Variants in KIF5B observed in about 807,000 individuals in gnomAD.
The protein encoded by KIF5B is kinesin-1 heavy chain.
In KIF5B, 49 loss-of-function variants were observed where a neutral mutation model predicts 132.8. The ratio of observed to expected loss-of-function variants is 0.37; its 90% CI spans 0.29 to 0.47. The LOEUF (loss-of-function observed/expected upper bound fraction) is 0.47, where lower values mean the gene tolerates loss of function less well. Ranked by LOEUF, KIF5B falls within the 20% of genes least tolerant of loss-of-function variation. The pLI, the probability that KIF5B is intolerant of heterozygous loss-of-function variation, is 1.00. For missense variants in KIF5B, 780 were observed against 1,144.0 expected (o/e 0.68, Z 4.59); for synonymous variants, 355 against 369.4 (o/e 0.96, Z 0.45).
chr10:32,043,041 G>A (rs899954200), intron 2 of KIF5B, among the ~76,000 whole-genome samples: 12 of 152,110 alleles, frequency 7.9e-5, no homozygotes, highest in African/African-American at 2.9e-4. Context: ...AGGCTGGAGT[G>A]CAGTGGCGCA....
At chr10:32,053,436 A>AC (rs1280844152) in intron 1 of KIF5B, among the ~76,000 whole-genome samples, 4 of 151,886 alleles carry the variant, frequency 2.6e-5, no homozygotes, top group Non-Finnish European at 5.9e-5. Context: ...AAAAAAAAAA[A>AC]AAACCAGGCC....
chr10:32,022,913 C>G lies in KIF5B; in HGVS notation c.1849G>C (p.Glu617Gln), dbSNP rs2132587723. ...TTTTCTTCCATTTTTTTGTTGCTCTCAGTTTGTGTGCTTTCTAACTGCTTG... is the reference window on the plus strand; with the variant it reads ...TTTTCTTCCATTTTTTTGTTGCTCTGAGTTTGTGTGCTTTCTAACTGCTTG... Reference protein sequence around the residue: ...RCKQLESTQTESNKKMEENEK... With the variant: ...RCKQLESTQTQSNKKMEENEK... Residue 617 changes from glutamate (E) to glutamine (Q), a missense_variant, in exon 16 of 26, where the codon GAG becomes CAG. This residue lies in a region of KIF5B where 471 missense variants were observed against 569.9 expected (regional missense o/e 0.83). Coordinates refer to ENST00000302418, the MANE Select transcript of KIF5B (RefSeq NM_004521.3). 5 of 1,613,402 alleles carry G rather than the reference C, an allele frequency of 3.1e-6. No individual in the cohort carries two copies. The highest frequency in any genetic ancestry group is 4.2e-6 in the Non-Finnish European group (5 of 1,179,564).
chr10:32,029,649 A>G (rs1841376979), intron 14 of KIF5B, among the ~76,000 whole-genome samples: 1 of 152,234 alleles, frequency 6.6e-6, no homozygotes, highest in East Asian at 1.9e-4. Context: ...AACACTGTCT[A>G]AGCATATAAA....
chr10:32,030,923 A>G, intron 14 of KIF5B, 150 bp downstream of exon 14: 1 of 621,764 alleles, frequency 1.6e-6, no homozygotes, highest in Non-Finnish European at 2.8e-6. Flanking sequence ...AAGGCTTCAT[A>G]TACAGAAAGA....
At chr10:32,034,999 A>G (rs563978628) in intron 10 of KIF5B, among the ~76,000 whole-genome samples, 161 bp from the exon 11 acceptor site, 3 of 152,200 alleles carry the variant, frequency 2.0e-5, no homozygotes, top group East Asian at 3.9e-4. Flanking sequence ...TTACAACTCA[A>G]CTAAATTTGA....
At position 32,028,536 on chromosome 10, in the gene KIF5B, T is replaced by G. The variant is rs1476500847; in HGVS notation, c.1617A>C (p.Lys539Asn). Residue 539 changes from lysine to asparagine, a missense_variant, in exon 15 of 26, where the codon AAA (lysine) becomes AAC (asparagine). By Grantham distance (94) the Lys-to-Asn change is moderately conservative. Around this residue, in one of 9 missense-constraint regions of KIF5B, gnomAD observed 471 missense variants for 569.9 expected, o/e 0.83. Transcript: ENST00000302418. ...TCTGGTGGTTGGTCATTTCCTTAAG[T>G]TTCTGAAGCTCAGCATCTATACTCG... is the stretch of plus-strand genomic sequence containing the variant. ...TLASIDAELQKLKEMTNHQKK... is the reference protein window; with the variant it reads ...TLASIDAELQNLKEMTNHQKK... 1.9e-6 allele frequency: 3 copies of G among 1,613,910 alleles called. No homozygotes were observed. The highest frequency in any genetic ancestry group is 2.5e-6 in the Non-Finnish European group (3 of 1,179,928).
intron 20 of KIF5B, 84 bp from the exon 21 acceptor site, chr10:32,018,646 G>A: frequency 3.0e-6 from 3 of 1,002,266 alleles, no homozygotes; most frequent in Non-Finnish European, 4.5e-6. Flanking sequence ...AATATTTTGT[G>A]TCTGAAAGGA....
chr10:32,031,251 T>C lies in KIF5B; in HGVS notation c.1403A>G (p.Asp468Gly), dbSNP rs1162378120. The change falls in exon 14 of 26, where the codon GAC becomes GGC. Residue 468 changes from aspartate (D) to glycine (G), a missense_variant. By Grantham distance (94) the Asp-to-Gly change is moderately conservative. Around this residue, in one of 9 missense-constraint regions of KIF5B, gnomAD observed 471 missense variants for 569.9 expected, o/e 0.83. Transcript: ENST00000302418. The part of the protein sequence containing the change: ...ELLASTRRDQ[D>G]NMQAELNRLQ... ...GCGATTCAGCTCAGCTTGCATATTG[T>C]CTTGATCCCTTCTGGTAGATGCCAA... 2 of 1,613,840 alleles carry C rather than the reference T, an allele frequency of 1.2e-6. No homozygotes were observed. The highest frequency in any genetic ancestry group is 8.5e-7 in the Non-Finnish European group (1 of 1,179,980).
chr10:32,018,454 A>C (rs1841208229), intron 21 of KIF5B, 48 bp downstream of exon 21: 1 of 1,591,802 alleles, frequency 6.3e-7, no homozygotes, highest in African/African-American at 1.4e-5. Context: ...TGGTAGAAAA[A>C]ACCCACAAAA....
chr10:32,054,066 G>A (rs1841724789), intron 1 of KIF5B, among the ~76,000 whole-genome samples: 1 of 152,122 alleles, frequency 6.6e-6, no homozygotes, highest in African/African-American at 2.4e-5. Context: ...CCAACAAAAA[G>A]AATCATAGTG....
At chr10:32,038,922 G>A (rs918144680) in intron 4 of KIF5B, 96 bp from the exon 5 acceptor site, 1 of 750,584 alleles carries the variant, frequency 1.3e-6, no homozygotes, top group Non-Finnish European at 2.2e-6. Context: ...AGACTAGAGA[G>A]ACAGTTATCA....
chr10:32,041,684 T>C (rs1041441827), intron 2 of KIF5B, among the ~76,000 whole-genome samples: 2 of 152,186 alleles, frequency 1.3e-5, no homozygotes, highest in Admixed American at 6.5e-5. Flanking sequence ...AATGGCACAA[T>C]CATAGCTCAC....
chr10:32,055,518 G>GCA (rs61091883), intron 1 of KIF5B, among the ~76,000 whole-genome samples: 39,070 of 149,992 alleles, frequency 0.26, 5,122 homozygotes, highest in East Asian at 0.5. Flanking sequence ...ATCCGTAATT[G>GCA]CACACACACA....
At chr10:32,028,648 A>G in intron 14 of KIF5B, 77 bp from the exon 15 acceptor site, 1 of 1,247,564 alleles carries the variant, frequency 8.0e-7, no homozygotes. Flanking sequence ...CGGTGTTTCA[A>G]GTTTTACACC....
At chr10:32,028,927 G>A (rs1290139510) in intron 14 of KIF5B, among the ~76,000 whole-genome samples, 1 of 152,142 alleles carries the variant, frequency 6.6e-6, no homozygotes, top group Admixed American at 6.5e-5. Flanking sequence ...TCTTTAGAAA[G>A]TGAGTCAGCA....
In KIF5B at chr10:32,035,969, G is replaced by A; in HGVS notation, c.737C>T (p.Ala246Val). 1.2e-6 allele frequency: 2 copies of A among 1,605,080 alleles called. No individual in the cohort carries two copies. The highest frequency in any genetic ancestry group is 1.7e-6 in the Non-Finnish European group (2 of 1,175,472). Residue 246 changes from alanine (A) to valine (V), a missense_variant, in exon 9 of 26, where the codon GCT becomes GTT. Around this residue, in one of 9 missense-constraint regions of KIF5B, gnomAD observed 15 missense variants for 65.0 expected, o/e 0.23. Transcript: ENST00000302418. ...EKVSKTGAEGAVLDEAKNINK... is the reference protein window; with the variant it reads ...EKVSKTGAEGVVLDEAKNINK... ...GATGTTTTTAGCTTCATCCAGCACA[G>A]CACCTTCAGCTCCAGTTTTACTAAC...
rs770140321 is a variant in KIF5B at position 32,028,459 on chromosome 10, A to G, written c.1694T>C (p.Ile565Thr). Reference sequence around the variant, plus strand: ...ATCATTATTTCCCACAGCAATTCCTATTTCTGCAAGGTCTTTTAGTAAAGA... The same window carrying G: ...ATCATTATTTCCCACAGCAATTCCTGTTTCTGCAAGGTCTTTTAGTAAAGA... Reference protein sequence around the residue: ...MASLLKDLAEIGIAVGNNDVK... With the variant: ...MASLLKDLAETGIAVGNNDVK... The change falls in exon 15 of 26, where the codon ATA becomes ACA. Residue 565 changes from isoleucine to threonine, a missense_variant. Coordinates refer to ENST00000302418, the MANE Select transcript of KIF5B (RefSeq NM_004521.3). 1 of 1,612,604 alleles carries G rather than the reference A, an allele frequency of 6.2e-7. No individual in the cohort carries two copies. Among genetic ancestry groups the G allele is most frequent in the Non-Finnish European group, 8.5e-7 (1 of 1,179,002 alleles).
At chr10:32,021,672 AAT>A (rs1290292749) in intron 17 of KIF5B, among the ~76,000 whole-genome samples, 3 of 151,360 alleles carry the variant, frequency 2.0e-5, no homozygotes, top group African/African-American at 2.4e-5. Context: ...AAATCTTAAA[AAT>A]ATATATATAT....
intron 25 of KIF5B, among the ~76,000 whole-genome samples, chr10:32,014,970 C>A (rs1023704918): frequency 6.6e-6 from 1 of 151,828 alleles, no homozygotes; most frequent in African/African-American, 2.4e-5. Context: ...ACTAAAAACA[C>A]AAAAATTAGC....
Sources: gnomAD v4.1 joint callset for allele counts (sites outside exome capture counted in the v4.1 genomes callset) on GRCh38, gnomAD v4.1.1 for gene constraint, gnomAD v4.1.1 regional missense constraint, MANE v1.5 for transcripts, NCBI Gene and HGNC (gene_info 2026-07-23, HGNC 2026-07-21) for gene names.